The following WDR41 variants were observed in gnomAD, a reference collection of about 807,000 sequenced individuals.
WDR41 encodes WD repeat domain 41.
Under a neutral mutation model 69.3 loss-of-function variants are expected in WDR41, and 63 were observed. The observed-to-expected ratio is 0.91, with a 90% confidence interval of 0.74 to 1.12. WDR41 has a LOEUF of 1.12. Among genes scored for constraint, WDR41 ranks in the 50% most tolerant of loss-of-function variants. WDR41 has a pLI of 0.00. For missense variants in WDR41, 543 were observed against 534.5 expected, an observed-to-expected ratio of 1.02 and a Z score of -0.16; for synonymous variants, 185 against 192.1, an observed-to-expected ratio of 0.96 and a Z score of 0.31.
At position 77,549,036 on chromosome 5, in the gene WDR41, GA is replaced by G. The variant is rs542212050; in HGVS notation, c.43-59465del. 1.7e-3 allele frequency among the ~76,000 whole-genome samples: 250 copies of G among 151,494 alleles called. 1 individual carries two copies. The highest frequency in any genetic ancestry group is 5.5e-3 in the African/African-American group (225 of 41,228). On this transcript the variant is annotated intron_variant, in intron 1 of 5. Transcript: ENST00000509971. ...TTCTAAGTGAAGTAACTCAGGAATG[GA>G]AAACCAAACATCGTATGTTCTCGCT...
chr5:77,522,326 A>G (rs927803589), intron 1 of WDR41, among the ~76,000 whole-genome samples: 4 of 152,194 alleles, frequency 2.6e-5, no homozygotes, highest in Non-Finnish European at 4.4e-5. Flanking sequence ...AAAGAATGCC[A>G]GGGAAGAAGG....
intron 2 of WDR41, among the ~76,000 whole-genome samples, chr5:77,473,796 C>G (rs1010715468): frequency 6.6e-6 from 1 of 152,162 alleles, no homozygotes; most frequent in African/African-American, 2.4e-5. Context: ...CAGGAAACAA[C>G]AGATGCTGGA....
chr5:77,505,065 G>C (rs1489566480), intron 1 of WDR41, among the ~76,000 whole-genome samples: 1 of 152,132 alleles, frequency 6.6e-6, no homozygotes, highest in Non-Finnish European at 1.5e-5. Context: ...TATTCAATTA[G>C]GAAAAGAGGA....
intron 2 of WDR41, among the ~76,000 whole-genome samples, chr5:77,466,051 T>C (rs1800292367): frequency 6.6e-6 from 1 of 152,004 alleles, no homozygotes; most frequent in Non-Finnish European, 1.5e-5. Context: ...TCAGGAGACA[T>C]GAAATTGATC....
Position 77,432,085 on chromosome 5 carries a change from G to T in WDR41, c.*1050C>A, listed in dbSNP as rs1413433315. On this transcript the variant is annotated 3_prime_UTR_variant, in exon 13 of 13. Transcript: ENST00000296679. ...ACTGTCAAAGCTAAAACTAGTAAAA[G>T]AACTTATGGAGATTCCCTTTAGGGT... 1 of 152,130 alleles carries T rather than the reference G, an allele frequency of 6.6e-6. No individual in the cohort carries two copies. The highest frequency in any genetic ancestry group is 1.9e-4 in the East Asian group (1 of 5,184). The allele number at this position is 152,130 out of a possible 1,614,324, so 9.4% of individuals were successfully genotyped here. A position where few individuals can be genotyped will look rare whatever the true frequency, so the allele number is the denominator to read the frequency against.
intron 1 of WDR41, among the ~76,000 whole-genome samples, chr5:77,578,764 T>G (rs1580022323): frequency 6.7e-6 from 1 of 148,898 alleles, no homozygotes; most frequent in East Asian, 2.0e-4. Context: ...CTCAGGAGGC[T>G]GAGGCAGGAG....
intron 1 of WDR41, among the ~76,000 whole-genome samples, chr5:77,593,434 G>A (rs957683668): frequency 2.6e-5 from 4 of 152,066 alleles, no homozygotes; most frequent in Non-Finnish European, 5.9e-5. Flanking sequence ...ACAGATGATG[G>A]TAGCTTTGAT....
At chr5:77,496,460 C>G (rs931113645), upstream of WDR41, among the ~76,000 whole-genome samples, 20 of 152,020 alleles carry the variant, frequency 1.3e-4, no homozygotes, top group African/African-American at 4.8e-4. Flanking sequence ...GTTGTTCCTA[C>G]TTGCCAGCAA....
chr5:77,438,223 C>A lies in WDR41; in HGVS notation c.1004+17G>T. Reference sequence around the variant, plus strand: ...TGACTTGCTTTCATCTATTGCAGAACAGATGGGAACTTGTACCTGTTTGGA... The same window carrying A: ...TGACTTGCTTTCATCTATTGCAGAAAAGATGGGAACTTGTACCTGTTTGGA... On this transcript the variant is annotated intron_variant, in intron 10 of 12. Coordinates refer to ENST00000296679, the MANE Select transcript of WDR41 (RefSeq NM_018268.4). 2 of 1,613,546 alleles carry A rather than the reference C, an allele frequency of 1.2e-6. No individual in the cohort carries two copies. Among genetic ancestry groups the A allele is most frequent in the Non-Finnish European group, 1.7e-6 (2 of 1,179,646 alleles).
chr5:77,611,820 A>C (rs1379887161), intron 1 of WDR41, among the ~76,000 whole-genome samples: 2 of 152,026 alleles, frequency 1.3e-5, no homozygotes, highest in Non-Finnish European at 2.9e-5. Flanking sequence ...ATAGAGACAC[A>C]AAAAACCCTT....
At position 77,436,398 on chromosome 5, in the gene WDR41, G is replaced by GA; in HGVS notation, c.1094-5dup. 1.2e-6 allele frequency: 2 copies of GA among 1,613,354 alleles called. No individual in the cohort carries two copies. Among genetic ancestry groups the GA allele is most frequent in the Non-Finnish European group, 1.7e-6 (2 of 1,179,696 alleles). On this transcript the variant is annotated splice_region_variant and splice_polypyrimidine_tract_variant and intron_variant, in intron 11 of 12. Coordinates refer to ENST00000296679, the MANE Select transcript of WDR41 (RefSeq NM_018268.4). Reference sequence around the variant, plus strand: ...AATCCCCACATGTTAAAAAAACCTAGAAAAAGAATCATTTCCAAAATTACT... The same window carrying GA: ...AATCCCCACATGTTAAAAAAACCTAGAAAAAAGAATCATTTCCAAAATTACT...
At chr5:77,613,988 T>C (rs984468699) in intron 1 of WDR41, among the ~76,000 whole-genome samples, 2 of 152,242 alleles carry the variant, frequency 1.3e-5, no homozygotes, top group East Asian at 1.9e-4. Context: ...GGGTGAAGGA[T>C]ATGAACAGAC....
intron 4 of WDR41, 28 bp from the exon 5 acceptor site, chr5:77,459,152 A>T: frequency 6.7e-7 from 1 of 1,490,306 alleles, no homozygotes; most frequent in Non-Finnish European, 9.2e-7. Flanking sequence ...AATAATTTCT[A>T]AACAGAATTT....
upstream of WDR41, among the ~76,000 whole-genome samples, chr5:77,494,905 A>G (rs1801915406): frequency 6.6e-6 from 1 of 152,196 alleles, no homozygotes; most frequent in Non-Finnish European, 1.5e-5. Flanking sequence ...GTTAGGCCAC[A>G]AAATAAGTCT....
At chr5:77,532,254 T>A (rs1020125835) in intron 1 of WDR41, among the ~76,000 whole-genome samples, 2 of 152,192 alleles carry the variant, frequency 1.3e-5, no homozygotes, top group East Asian at 3.9e-4. Flanking sequence ...TTGCTGTATG[T>A]TTGAAATTTT....
intron 1 of WDR41, among the ~76,000 whole-genome samples, chr5:77,568,808 C>T (rs1293591771): frequency 6.6e-6 from 1 of 152,156 alleles, no homozygotes; most frequent in Non-Finnish European, 1.5e-5. Context: ...CCCAGAAAAG[C>T]TCTTTGTGTG....
At chr5:77,543,745 G>C (rs1009517264) in intron 1 of WDR41, among the ~76,000 whole-genome samples, 1 of 152,100 alleles carries the variant, frequency 6.6e-6, no homozygotes, top group African/African-American at 2.4e-5. Context: ...GAGAGTAATT[G>C]AGGAAAACTT....
intron 2 of WDR41, among the ~76,000 whole-genome samples, chr5:77,470,258 T>C (rs978893163): frequency 2.4e-4 from 36 of 152,226 alleles, no homozygotes; most frequent in African/African-American, 7.9e-4. Context: ...AGGCCTGTCT[T>C]AAAAGAGCTC....
rs561041783 is a variant in WDR41, at chr5:77,469,306, C to T, written c.168-4497G>A. Among the ~76,000 whole-genome samples the T allele has an allele frequency of 5.8e-4, 89 of 152,146 alleles. No homozygotes were observed. In the Middle Eastern group the frequency reaches 0.014, roughly 23 times the overall value. ...TACCTAATGTAAATGATGAGTTAAT[C>T]GGTGCAGCACACCAACACGGCACAT... On this transcript the variant is annotated intron_variant, in intron 2 of 12. Transcript: ENST00000296679.
Sources: allele counts gnomAD v4.1 joint callset (sites outside exome capture counted in the v4.1 genomes callset), GRCh38; gene constraint gnomAD v4.1.1; transcripts MANE v1.5; gene names NCBI Gene and HGNC (gene_info 2026-07-23, HGNC 2026-07-21).